Variants in DNAJC3 observed in about 807,000 individuals in gnomAD.
DNAJC3 encodes the protein DnaJ heat shock protein family (Hsp40) member C3.
A neutral mutation model predicts 68.6 loss-of-function variants in DNAJC3; 38 were observed. That is an observed-to-expected ratio of 0.55 (90% CI 0.43 to 0.73). DNAJC3 has a LOEUF of 0.73. Ranked by LOEUF, DNAJC3 falls within the 30% of genes least tolerant of loss-of-function variation. DNAJC3 has a pLI of 0.00. For synonymous variants in DNAJC3, 203 were observed against 204.0 expected (o/e 1.00, Z 0.04); for missense variants, 526 against 591.9 (o/e 0.89, Z 1.16).
At chr13:95,787,235 C>A in intron 11 of DNAJC3, 80 bp downstream of exon 11, 1 of 1,536,992 alleles carries the variant, frequency 6.5e-7, no homozygotes, top group Non-Finnish European at 8.8e-7. Flanking sequence ...GGGTTCTCCA[C>A]GTGGGGCTGT....
At chr13:95,713,444 C>T (rs1166335623) in intron 2 of DNAJC3, among the ~76,000 whole-genome samples, 1 of 152,098 alleles carries the variant, frequency 6.6e-6, no homozygotes. Context: ...TGTGCAAGAA[C>T]ACTTTGCTGA....
At chr13:95,694,102 C>A (rs1372940394) in intron 1 of DNAJC3, 1 of 152,112 alleles carries the variant, frequency 6.6e-6, no homozygotes, top group Non-Finnish European at 1.5e-5. Context: ...ATGAATCAAC[C>A]CCGGACCCTC....
intron 1 of DNAJC3, among the ~76,000 whole-genome samples, chr13:95,684,238 G>C (rs1046352508): frequency 2.0e-5 from 3 of 152,194 alleles, no homozygotes; most frequent in African/African-American, 7.2e-5. Flanking sequence ...AATGACCGCA[G>C]ATGAGGAACT....
In DNAJC3 at chr13:95,708,616, G is replaced by A. The variant is rs147700420; in HGVS notation, c.83-611G>A. Reference sequence around the variant, plus strand: ...TGCTCAGATGTCAGTTTCTCAAGAAGGCCTGCCCTTTACGCGCTTATTTGC... The same window carrying A: ...TGCTCAGATGTCAGTTTCTCAAGAAAGCCTGCCCTTTACGCGCTTATTTGC... On this transcript the variant is annotated intron_variant, in intron 1 of 11. Coordinates refer to ENST00000602402, the MANE Select transcript of DNAJC3 (RefSeq NM_006260.5). Among the ~76,000 whole-genome samples, 14 of 152,232 alleles carry A rather than the reference G, an allele frequency of 9.2e-5. No individual in the cohort carries two copies. The East Asian group carries it at 2.7e-3, about 29-fold the overall frequency.
chr13:95,742,610 CT>C, intron 4 of DNAJC3: 1 of 496,168 alleles, frequency 2.0e-6, no homozygotes, highest in Non-Finnish European at 4.0e-6. Flanking sequence ...GGCTGCCTCA[CT>C]TCTCTCTTCT....
At chr13:95,713,154 C>T (rs980743826) in intron 2 of DNAJC3, among the ~76,000 whole-genome samples, 2 of 152,140 alleles carry the variant, frequency 1.3e-5, no homozygotes, top group African/African-American at 4.8e-5. Context: ...TACCCAGTCT[C>T]CGGTATGTCT....
intron 11 of DNAJC3, among the ~76,000 whole-genome samples, chr13:95,788,571 C>A (rs1156420160): frequency 1.3e-5 from 2 of 152,120 alleles, no homozygotes; most frequent in African/African-American, 2.4e-5. Flanking sequence ...ATGATGTATG[C>A]CAATCTGAAA....
At chr13:95,778,778 T>C (rs1883354886) in intron 9 of DNAJC3, among the ~76,000 whole-genome samples, 2 of 152,256 alleles carry the variant, frequency 1.3e-5, no homozygotes, top group South Asian at 4.1e-4. Context: ...AGTAATACAC[T>C]GTGTTTATTC....
At chr13:95,727,250 T>C (rs1881560880) in intron 4 of DNAJC3, among the ~76,000 whole-genome samples, 1 of 152,180 alleles carries the variant, frequency 6.6e-6, no homozygotes, top group Admixed American at 6.5e-5. Flanking sequence ...ATTTAGGATA[T>C]AGTTTTAGCA....
At chr13:95,746,474 G>A (rs749692207) in intron 4 of DNAJC3, among the ~76,000 whole-genome samples, 2 of 152,134 alleles carry the variant, frequency 1.3e-5, no homozygotes, top group Non-Finnish European at 2.9e-5. Context: ...AAGTGTAGAA[G>A]TTGAATAGAT....
chr13:95,716,036 T>C (rs1038218468), intron 2 of DNAJC3, among the ~76,000 whole-genome samples: 6 of 151,920 alleles, frequency 3.9e-5, no homozygotes, highest in Non-Finnish European at 8.8e-5. Context: ...CAGGTGCCTG[T>C]AATCCCAGCT....
At chr13:95,721,529 C>T (rs1158714547) in intron 2 of DNAJC3, among the ~76,000 whole-genome samples, 2 of 152,176 alleles carry the variant, frequency 1.3e-5, no homozygotes, top group African/African-American at 4.8e-5. Context: ...ATCCCACCAA[C>T]AGCGCACAGG....
chr13:95,742,819 G>T (rs930050332), intron 4 of DNAJC3: 1 of 518,834 alleles, frequency 1.9e-6, no homozygotes, highest in African/African-American at 1.9e-5. Flanking sequence ...TACTTCTGTG[G>T]ACTGTGCGTT....
intron 4 of DNAJC3, among the ~76,000 whole-genome samples, chr13:95,749,756 AC>A (rs1882417155): frequency 6.6e-6 from 1 of 151,686 alleles, no homozygotes; most frequent in Non-Finnish European, 1.5e-5. Flanking sequence ...TATCTTTAAA[AC>A]CCACAGTTTC....
intron 1 of DNAJC3, among the ~76,000 whole-genome samples, chr13:95,691,927 C>T (rs901315090): frequency 2.1e-4 from 32 of 152,322 alleles, no homozygotes; most frequent in African/African-American, 7.0e-4. Context: ...TGGCGGCGCG[C>T]GCCTGCAATC....
chr13:95,775,227 C>T (rs1481396016), intron 9 of DNAJC3, among the ~76,000 whole-genome samples: 1 of 152,156 alleles, frequency 6.6e-6, no homozygotes, highest in Non-Finnish European at 1.5e-5. Flanking sequence ...CTGCACTTGA[C>T]TGTAACGACG....
chr13:95,789,656 T>G (rs2139701264), intron 11 of DNAJC3, among the ~76,000 whole-genome samples: 1 of 152,336 alleles, frequency 6.6e-6, no homozygotes, highest in Admixed American at 6.5e-5. Context: ...TTTATATTCT[T>G]TTGGGTGTAT....
At chr13:95,757,559 T>A in intron 4 of DNAJC3, 85 bp from the exon 5 acceptor site, 1 of 1,307,618 alleles carries the variant, frequency 7.6e-7, no homozygotes, top group East Asian at 2.4e-5. Context: ...AACTTAAGTA[T>A]TTGGAATGGT....
chr13:95,718,248 T>G (rs1036208786), intron 2 of DNAJC3, among the ~76,000 whole-genome samples: 1 of 152,242 alleles, frequency 6.6e-6, no homozygotes, highest in African/African-American at 2.4e-5. Context: ...AGTCTTGTAT[T>G]GGTAAAAACT....
Sources: gnomAD v4.1 joint callset for allele counts (sites outside exome capture counted in the v4.1 genomes callset) on GRCh38, gnomAD v4.1.1 for gene constraint, MANE v1.5 for transcripts, NCBI Gene and HGNC (gene_info 2026-07-23, HGNC 2026-07-21) for gene names.